The following KLHL3 variants were observed in gnomAD, a reference collection of about 807,000 sequenced individuals.
KLHL3 encodes kelch-like protein 3.
Under a neutral mutation model 70.5 loss-of-function variants are expected in KLHL3, and 19 were observed. The ratio of observed to expected loss-of-function variants is 0.27; its 90% CI spans 0.19 to 0.40. The LOEUF is 0.40. KLHL3 is among the 10% of genes least tolerant of loss of function. The pLI is 1.00. For synonymous variants in KLHL3, 258 were observed against 290.3 expected (o/e 0.89, Z 1.13); for missense variants, 512 against 771.1 (o/e 0.66, Z 3.98).
chr5:137,648,339 A>G (rs1404191688), intron 8 of KLHL3, among the ~76,000 whole-genome samples: 2 of 152,260 alleles, frequency 1.3e-5, no homozygotes, highest in African/African-American at 4.8e-5. Flanking sequence ...ACTCAGGAGC[A>G]AGCCACCCAC....
At chr5:137,647,261 T>C (rs969505842) in intron 8 of KLHL3, among the ~76,000 whole-genome samples, 2 of 152,200 alleles carry the variant, frequency 1.3e-5, no homozygotes, top group Non-Finnish European at 2.9e-5. Flanking sequence ...TAGATGATTC[T>C]GATTCTACCA....
At chr5:137,642,839 C>G (rs903415906) in intron 8 of KLHL3, among the ~76,000 whole-genome samples, 3 of 151,430 alleles carry the variant, frequency 2.0e-5, no homozygotes, top group Non-Finnish European at 4.4e-5. Context: ...TTATACTTGG[C>G]ATAAGCTATC....
chr5:137,703,055 GTTA>G (rs2149925089), intron 3 of KLHL3, among the ~76,000 whole-genome samples: 1 of 152,262 alleles, frequency 6.6e-6, no homozygotes, highest in Admixed American at 6.5e-5. Flanking sequence ...CATCTTCCAG[GTTA>G]TTAAGTAAAT....
chr5:137,698,760 A>T lies in KLHL3; in HGVS notation c.242-352T>A, dbSNP rs547021585. ...CAAGATATGCACCTGTCCTTAAGGAACACAAGTCTAGTAAGGCAGATATAC... is the reference window on the plus strand; with the variant it reads ...CAAGATATGCACCTGTCCTTAAGGATCACAAGTCTAGTAAGGCAGATATAC... On this transcript the variant is annotated intron_variant, in intron 3 of 14. Coordinates refer to ENST00000309755, the MANE Select transcript of KLHL3 (RefSeq NM_017415.3). Among the ~76,000 whole-genome samples the T allele has an allele frequency of 2.0e-5, 3 of 152,356 alleles. No individual in the cohort carries two copies. In the East Asian group the frequency reaches 5.8e-4, roughly 29 times the overall value.
chr5:137,683,146 G>A (rs950854700), intron 5 of KLHL3, among the ~76,000 whole-genome samples: 2 of 152,292 alleles, frequency 1.3e-5, no homozygotes, highest in Admixed American at 6.5e-5. Context: ...TTAACATTGG[G>A]AAGATATGTT....
At chr5:137,688,197 T>A (rs113973275) in intron 5 of KLHL3, among the ~76,000 whole-genome samples, 4,516 of 13,428 alleles carry the variant, frequency 0.34, 2,067 homozygotes, top group African/African-American at 0.61. Flanking sequence ...TAAAATAAAA[T>A]AAAATATTAC....
At chr5:137,705,904 G>A (rs1752675615) in intron 3 of KLHL3, 1 of 528,290 alleles carries the variant, frequency 1.9e-6, no homozygotes, top group Non-Finnish European at 2.4e-6. Flanking sequence ...CATCTTTATA[G>A]GAAAAAGATG....
intron 5 of KLHL3, among the ~76,000 whole-genome samples, chr5:137,680,316 T>C (rs1189560926): frequency 6.6e-6 from 1 of 152,184 alleles, no homozygotes; most frequent in Non-Finnish European, 1.5e-5. Context: ...TCATGTCTTA[T>C]AGTCACTTCT....
intron 8 of KLHL3, among the ~76,000 whole-genome samples, chr5:137,640,225 A>G (rs1010511585): frequency 6.6e-6 from 1 of 152,242 alleles, no homozygotes; most frequent in Admixed American, 6.5e-5. Context: ...ACTCGGGGCT[A>G]TCTTGTGGGT....
chr5:137,734,371 C>A (rs770690658), intron 1 of KLHL3, among the ~76,000 whole-genome samples: 1 of 152,144 alleles, frequency 6.6e-6, no homozygotes, highest in African/African-American at 2.4e-5. Context: ...AAAGAGCACC[C>A]AGAAAGAGAA....
chr5:137,677,966 A>G (rs1751927773), intron 5 of KLHL3, among the ~76,000 whole-genome samples: 1 of 152,196 alleles, frequency 6.6e-6, no homozygotes, highest in Non-Finnish European at 1.5e-5. Flanking sequence ...GAAAAGCCTC[A>G]CTGGGACCTG....
At chr5:137,685,795 G>T (rs1752148159) in intron 5 of KLHL3, among the ~76,000 whole-genome samples, 1 of 152,132 alleles carries the variant, frequency 6.6e-6, no homozygotes, top group Admixed American at 6.6e-5. Context: ...CCAAGTAGCT[G>T]GGACTATAGG....
At chr5:137,655,025 C>A (rs1751303427) in intron 8 of KLHL3, among the ~76,000 whole-genome samples, 1 of 152,152 alleles carries the variant, frequency 6.6e-6, no homozygotes, top group Non-Finnish European at 1.5e-5. Flanking sequence ...GGAGAGGTCA[C>A]TAGGTATGGT....
chr5:137,645,074 T>G (rs973807921), intron 8 of KLHL3, among the ~76,000 whole-genome samples: 1 of 152,120 alleles, frequency 6.6e-6, no homozygotes, highest in African/African-American at 2.4e-5. Context: ...ACATAATCAT[T>G]TCAATAGATG....
chr5:137,721,648 G>A (rs1286520091), intron 1 of KLHL3, among the ~76,000 whole-genome samples: 1 of 152,186 alleles, frequency 6.6e-6, no homozygotes, highest in Admixed American at 6.5e-5. Context: ...CTTCTGTACT[G>A]AAATCAAGAG....
At chr5:137,728,039 A>C (rs1753112927) in intron 1 of KLHL3, among the ~76,000 whole-genome samples, 1 of 152,236 alleles carries the variant, frequency 6.6e-6, no homozygotes. Flanking sequence ...CACAATAGAC[A>C]TAACCTCAAA....
intron 3 of KLHL3, among the ~76,000 whole-genome samples, chr5:137,704,386 C>T (rs1338207923): frequency 6.6e-6 from 1 of 150,896 alleles, no homozygotes; most frequent in African/African-American, 2.4e-5. Flanking sequence ...AGCAAGACTC[C>T]GTCTCAAAAA....
chr5:137,718,274 G>A (rs1480287735), intron 2 of KLHL3, among the ~76,000 whole-genome samples: 2 of 152,228 alleles, frequency 1.3e-5, no homozygotes, highest in East Asian at 1.9e-4. Flanking sequence ...TTTGGGGAAA[G>A]AGAAAAACCT....
intron 1 of KLHL3, among the ~76,000 whole-genome samples, chr5:137,728,220 AG>A (rs1753115316): frequency 6.6e-6 from 1 of 152,196 alleles, no homozygotes; most frequent in Non-Finnish European, 1.5e-5. Context: ...CAAGTGGGTG[AG>A]TGCTGACTCC....
Sources: gnomAD v4.1 joint callset for allele counts (sites outside exome capture counted in the v4.1 genomes callset) on GRCh38, gnomAD v4.1.1 for gene constraint, MANE v1.5 for transcripts, NCBI Gene and HGNC (gene_info 2026-07-23, HGNC 2026-07-21) for gene names.